SAMSN1: variants seen among roughly 807,000 people sequenced by gnomAD.
The protein encoded by SAMSN1 is SAM domain, SH3 domain and nuclear localization signals 1, also known as SAM domain-containing protein SAMSN-1.
In SAMSN1, 31 loss-of-function variants were observed where a neutral mutation model predicts 42.0. The observed-to-expected ratio is 0.74, with a 90% CI of 0.55 to 1.00. The LOEUF (loss-of-function observed/expected upper bound fraction) is 1.00. Among genes scored for constraint, SAMSN1 ranks in the 50% least tolerant of loss-of-function variants. The pLI is 0.00. For missense variants in SAMSN1, 464 were observed against 439.4 expected (o/e 1.06, Z -0.50); for synonymous variants, 178 against 151.9 (o/e 1.17, Z -1.26).
At chr21:14,593,811 G>T (rs960729867) in intron 7 of SAMSN1, 1 of 368,860 alleles carries the variant, frequency 2.7e-6, no homozygotes, top group Non-Finnish European at 4.8e-6. Context: ...TTCTTTGAAG[G>T]AAATGCTTTA....
chr21:14,556,420 A>G (rs535085126), intron 2 of SAMSN1, among the ~76,000 whole-genome samples: 1 of 152,346 alleles, frequency 6.6e-6, no homozygotes, highest in East Asian at 1.9e-4. Flanking sequence ...AATGTGTATC[A>G]CAGCTAAATC....
chr21:14,504,838 G>A (rs750012486), intron 5 of SAMSN1, among the ~76,000 whole-genome samples: 4 of 152,182 alleles, frequency 2.6e-5, no homozygotes, highest in Admixed American at 6.5e-5. Context: ...AATCTTAAGA[G>A]CAATGAGACA....
At chr21:14,546,686 A>G (rs1980411645), upstream of SAMSN1, among the ~76,000 whole-genome samples, 1 of 151,032 alleles carries the variant, frequency 6.6e-6, no homozygotes, top group African/African-American at 2.4e-5. Context: ...AAAAAAAAGA[A>G]TACTCAAGGT....
At chr21:14,585,027 A>AG (rs60529497), upstream of SAMSN1, among the ~76,000 whole-genome samples, 122,031 of 151,702 alleles carry the variant, frequency 0.8, 49,392 homozygotes, top group Admixed American at 0.85. Context: ...TGTCAGAGGA[A>AG]CCCTACCTTT....
chr21:14,576,774 G>A (rs78474613), intron 2 of SAMSN1, among the ~76,000 whole-genome samples: 3,202 of 152,100 alleles, frequency 0.021, 129 homozygotes, highest in African/African-American at 0.073. Context: ...TTCAGATGCT[G>A]TATATCAACT....
At chr21:14,546,376 C>A, upstream of SAMSN1, 3 of 1,477,142 alleles carry the variant, frequency 2.0e-6, no homozygotes, top group South Asian at 1.4e-5. Flanking sequence ...GCCCAGGGAC[C>A]TGCCACTTCC....
chr21:14,567,347 T>C (rs926101829), intron 2 of SAMSN1, among the ~76,000 whole-genome samples: 15 of 151,386 alleles, frequency 9.9e-5, no homozygotes, highest in African/African-American at 3.6e-4. Flanking sequence ...CATCAGATTT[T>C]ATTTACATAA....
chr21:14,624,376 G>A (rs1433445362), intron 2 of SAMSN1, among the ~76,000 whole-genome samples: 1 of 151,892 alleles, frequency 6.6e-6, no homozygotes, highest in Non-Finnish European at 1.5e-5. Flanking sequence ...TGATAGACTG[G>A]TAGCAAGACT....
At chr21:14,510,165 G>C (rs73344153) in intron 5 of SAMSN1, 145 bp downstream of exon 5, 12 of 729,046 alleles carry the variant, frequency 1.6e-5, no homozygotes, top group Non-Finnish European at 2.5e-5. Context: ...AAGAAAAAAA[G>C]TCTTAGTACT....
intron 2 of SAMSN1, among the ~76,000 whole-genome samples, chr21:14,617,229 A>C (rs903562735): frequency 6.6e-6 from 1 of 152,180 alleles, no homozygotes; most frequent in African/African-American, 2.4e-5. Flanking sequence ...GGATATCAGC[A>C]GGCCTTTGAG....
rs576497710 is a variant in SAMSN1 at position 14,594,029 on chromosome 21, G to T, written c.449C>A (p.Thr150Asn). The T allele has an allele frequency of 8.4e-6, 6 of 715,720 alleles. No homozygotes were observed. In the South Asian group the frequency reaches 8.9e-5, roughly 11 times the overall value. The allele number at this position is 715,720 out of a possible 1,614,324, so 44.3% of individuals were successfully genotyped here. ...ATGTCTCACCAGTTCATCAACAGTG[G>T]TCTCAACATGTCTTTGATAGTGAAA... is the stretch of plus-strand genomic sequence containing the variant. Residue 150 changes from threonine (T) to asparagine (N), a missense_variant, in exon 7 of 16, where the codon ACC (threonine) becomes AAC (asparagine). Thr to Asn is a moderately conservative substitution (Grantham distance 65). Transcript: ENST00000647101.
intron 7 of SAMSN1, among the ~76,000 whole-genome samples, chr21:14,591,085 A>C (rs536084119): frequency 7.0e-4 from 107 of 152,310 alleles, no homozygotes; most frequent in African/African-American, 2.4e-3. Context: ...TTGAAGAAAT[A>C]ATTACAGTTG....
intron 6 of SAMSN1, chr21:14,594,721 T>G (rs997200110): frequency 7.9e-5 from 12 of 152,172 alleles, no homozygotes; most frequent in African/African-American, 2.9e-4. Context: ...GCAAAGGGCA[T>G]TTGATGGAGT....
chr21:14,619,449 T>C (rs1212459965), intron 2 of SAMSN1, among the ~76,000 whole-genome samples: 1 of 152,216 alleles, frequency 6.6e-6, no homozygotes, highest in African/African-American at 2.4e-5. Flanking sequence ...CTCAAAATGA[T>C]AAATGGACTC....
intron 1 of SAMSN1, among the ~76,000 whole-genome samples, chr21:14,534,363 A>G (rs377329924): frequency 6.6e-6 from 1 of 152,158 alleles, no homozygotes; most frequent in African/African-American, 2.4e-5. Context: ...AGGGATGCAA[A>G]TATGAGTCAG....
intron 1 of SAMSN1, among the ~76,000 whole-genome samples, chr21:14,545,017 T>C (rs189076099): frequency 1.3e-5 from 2 of 152,264 alleles, no homozygotes; most frequent in African/African-American, 4.8e-5. Flanking sequence ...TGGAAAATGT[T>C]ACTTTGAGTT....
chr21:14,610,630 C>T (rs192430249), intron 4 of SAMSN1, among the ~76,000 whole-genome samples: 151 of 152,292 alleles, frequency 9.9e-4, no homozygotes, highest in African/African-American at 3.5e-3. Context: ...CGTGTGATGT[C>T]TCCCACAGAT....
rs187211773 is a variant in SAMSN1, at chr21:14,615,699, C to T, written c.197+277G>A. The stretch of plus-strand genomic sequence containing the variant: ...TGATAGAAATATGTTTTTATGGAGG[C>T]TCCCACTTTAATCTAGGCCTGGTTT... On this transcript the variant is annotated intron_variant, in intron 3 of 15. Coordinates refer to the SAMSN1 transcript ENST00000647101. Among the ~76,000 whole-genome samples, 690 of 152,070 alleles carry T rather than the reference C, an allele frequency of 4.5e-3. 7 individuals carry two copies. The highest frequency in any genetic ancestry group is 0.016 in the African/African-American group (674 of 41,478).
At chr21:14,497,051 G>C (rs2123675268) in intron 7 of SAMSN1, among the ~76,000 whole-genome samples, 1 of 152,206 alleles carries the variant, frequency 6.6e-6, no homozygotes, top group East Asian at 1.9e-4. Context: ...CTCCATCTGG[G>C]CTGTTACTTG....
Sources: allele counts gnomAD v4.1 joint callset (sites outside exome capture counted in the v4.1 genomes callset), GRCh38; gene constraint gnomAD v4.1.1; transcripts MANE v1.5; gene names NCBI Gene and HGNC (gene_info 2026-07-23, HGNC 2026-07-21).